CDH3: variants seen among roughly 807,000 people sequenced by gnomAD.
CDH3 encodes the protein cadherin-3.
In CDH3, 54 loss-of-function variants were observed where a neutral mutation model predicts 82.0. That is an observed-to-expected ratio of 0.66 (90% CI 0.53 to 0.83). The LOEUF is 0.83. CDH3 is among the 40% of genes least tolerant of loss of function. The pLI is 0.00. For synonymous variants in CDH3, 446 were observed against 437.9 expected, an observed-to-expected ratio of 1.02 and a Z score of -0.23; for missense variants, 1,054 against 1,084.6, an observed-to-expected ratio of 0.97 and a Z score of 0.40.
Position 68,667,121 on chromosome 16 carries a change from T to C in CDH3, c.161-9264T>C, listed in dbSNP as rs549891854. Among the ~76,000 whole-genome samples, 5 of 152,312 alleles carry C rather than the reference T, an allele frequency of 3.3e-5. No individual in the cohort carries two copies. In the East Asian group the frequency reaches 9.6e-4, roughly 29 times the overall value. Reference sequence around the variant, plus strand: ...ACAGCACTTGCCCTTTTAATTTGTATTTCTTAGTTGGTGAACTTTTTTCTA... The same window carrying C: ...ACAGCACTTGCCCTTTTAATTTGTACTTCTTAGTTGGTGAACTTTTTTCTA... On this transcript the variant is annotated intron_variant, in intron 2 of 15. Coordinates refer to ENST00000264012, the MANE Select transcript of CDH3 (RefSeq NM_001793.6).
At chr16:68,684,518 A>G in intron 9 of CDH3, 65 bp from the exon 10 acceptor site, 3 of 1,599,432 alleles carry the variant, frequency 1.9e-6, no homozygotes, top group East Asian at 2.2e-5. Context: ...CTCACATCTC[A>G]ACTGTCCTGC....
intron 2 of CDH3, among the ~76,000 whole-genome samples, chr16:68,670,975 A>C (rs1229379698): frequency 6.6e-6 from 1 of 152,170 alleles, no homozygotes; most frequent in African/African-American, 2.4e-5. Context: ...CAAGAGGCTG[A>C]GGCAAGAGAA....
chr16:68,667,284 C>G (rs992620407), intron 2 of CDH3, among the ~76,000 whole-genome samples: 2 of 152,280 alleles, frequency 1.3e-5, no homozygotes, highest in Admixed American at 6.5e-5. Flanking sequence ...GTTTTGTGAG[C>G]TAGGTATGTC....
At chr16:68,664,783 C>G (rs1411470595) in intron 2 of CDH3, among the ~76,000 whole-genome samples, 1 of 151,994 alleles carries the variant, frequency 6.6e-6, no homozygotes, top group Non-Finnish European at 1.5e-5. Context: ...CTCAGCCTCT[C>G]AAGTAGCTGG....
At chr16:68,697,734 A>G (rs1385461357) in intron 15 of CDH3, among the ~76,000 whole-genome samples, 3 of 152,172 alleles carry the variant, frequency 2.0e-5, no homozygotes, top group Non-Finnish European at 2.9e-5. Context: ...GTGCTATTCT[A>G]ATAACTGCTT....
chr16:68,669,617 G>C (rs1018837335), intron 2 of CDH3, among the ~76,000 whole-genome samples: 2 of 101,842 alleles, frequency 2.0e-5, no homozygotes, highest in Non-Finnish European at 4.0e-5. Flanking sequence ...GTGGGGTGGC[G>C]GGGGGGGTGG....
chr16:68,646,469 T>C (rs1960068619), intron 2 of CDH3, among the ~76,000 whole-genome samples: 1 of 148,694 alleles, frequency 6.7e-6, no homozygotes, highest in South Asian at 2.1e-4. Context: ...GGACGGGAGA[T>C]CAAAGCACAT....
In CDH3 at chr16:68,681,051, G is replaced by C; in HGVS notation, c.951G>C (p.Glu317Asp). 1 of 1,614,102 alleles carries C rather than the reference G, an allele frequency of 6.2e-7. No homozygotes were observed. The highest frequency in any genetic ancestry group is 8.5e-7 in the Non-Finnish European group (1 of 1,180,006). Residue 317 changes from glutamate to aspartate, a missense_variant, in exon 8 of 16, where the codon GAG becomes GAC. Glu to Asp is a conservative substitution (Grantham distance 45). Transcript: ENST00000264012. ...CCACCACGGCAGTGGCAGTAGTGGA[G>C]ATCCTTGATGCCAATGACAATGCTC... ...GSTTTAVAVV[E>D]ILDANDNAPM...
chr16:68,658,082 T>A (rs1412288734), intron 2 of CDH3, among the ~76,000 whole-genome samples: 3 of 140,934 alleles, frequency 2.1e-5, no homozygotes, highest in Non-Finnish European at 4.6e-5. Flanking sequence ...TTTTTTTTTT[T>A]AGAGACAGGG....
rs1011947664 is a variant in CDH3, at chr16:68,678,973, C to G, written c.691+67C>G. ...CACCCTTAAATGCTAAAAGATCCCA[C>G]CATACCTGATTTCCTTGGCTGTGTA... On this transcript the variant is annotated intron_variant, in intron 6 of 15. Transcript: ENST00000264012. 4 of 1,513,272 alleles carry G rather than the reference C, an allele frequency of 2.6e-6. No homozygotes were observed. The African/African-American group carries it at 4.1e-5, about 16-fold the overall frequency. 93.7% of individuals were successfully genotyped at this position (1,513,272 alleles called of 1,614,324 possible).
At position 68,695,740 on chromosome 16, in the gene CDH3, A is replaced by G. The variant is rs1385480142; in HGVS notation, c.2134-37A>G. On this transcript the variant is annotated intron_variant, in intron 14 of 15. Coordinates refer to ENST00000264012, the MANE Select transcript of CDH3 (RefSeq NM_001793.6). ...AAGTGGCAGGGGAGTGGGGGACAGGAGTCCTCAGTCACCTGCTCTCCTGCA... is the reference window on the plus strand; with the variant it reads ...AAGTGGCAGGGGAGTGGGGGACAGGGGTCCTCAGTCACCTGCTCTCCTGCA... 4.3e-6 allele frequency: 7 copies of G among 1,611,124 alleles called. No homozygotes were observed. In the African/African-American group the frequency reaches 5.3e-5, roughly 12 times the overall value.
intron 2 of CDH3, among the ~76,000 whole-genome samples, chr16:68,670,882 G>A (rs1960866370): frequency 6.6e-6 from 1 of 152,054 alleles, no homozygotes; most frequent in Non-Finnish European, 1.5e-5. Context: ...AGACCACCCT[G>A]GCCAACATGG....
chr16:68,676,635 A>G lies in CDH3; in HGVS notation c.246+165A>G, dbSNP rs1294067854. Among the ~76,000 whole-genome samples the G allele has an allele frequency of 2.0e-5, 3 of 152,206 alleles. No homozygotes were observed. The East Asian group carries it at 5.8e-4, about 29-fold the overall frequency. ...GTCCACAGCTTGGGTGTGAGCACTG[A>G]TCTAAGGGGGGTAGTGCTTGCAGCT... On this transcript the variant is annotated intron_variant, in intron 3 of 15. Transcript: ENST00000264012.
chr16:68,645,460 C>T (rs1330865568), intron 1 of CDH3, 36 bp downstream of exon 1: 1 of 1,609,344 alleles, frequency 6.2e-7, no homozygotes, highest in South Asian at 1.1e-5. Flanking sequence ...CGACCGGGAC[C>T]GCTCCCTGGG....
chr16:68,673,744 G>A (rs1324439437), intron 2 of CDH3, among the ~76,000 whole-genome samples: 1 of 152,100 alleles, frequency 6.6e-6, no homozygotes, highest in African/African-American at 2.4e-5. Context: ...GGCCAACATG[G>A]TGAAACCCCA....
chr16:68,672,831 C>G (rs953759577), intron 2 of CDH3, among the ~76,000 whole-genome samples: 2 of 152,206 alleles, frequency 1.3e-5, no homozygotes, highest in African/African-American at 4.8e-5. Flanking sequence ...CTGTCCTCTC[C>G]CATTCACTGA....
intron 1 of CDH3, among the ~76,000 whole-genome samples, chr16:68,711,777 G>A (rs1962034096): frequency 6.6e-6 from 1 of 152,170 alleles, no homozygotes; most frequent in Non-Finnish European, 1.5e-5. Flanking sequence ...CGAGGGCATG[G>A]GCACTGACTC....
At chr16:68,731,078 A>ATATATATATATATATATG (rs1397181015), downstream of CDH3, among the ~76,000 whole-genome samples, 1 of 120,960 alleles carries the variant, frequency 8.3e-6, no homozygotes, top group East Asian at 2.3e-4. Flanking sequence ...ATATATATAT[A>ATATATATATATATATATG]ATTATAAAAA....
chr16:68,668,130 G>C (rs867469463), intron 2 of CDH3, among the ~76,000 whole-genome samples: 5 of 152,160 alleles, frequency 3.3e-5, no homozygotes, highest in Non-Finnish European at 5.9e-5. Flanking sequence ...AGGCTAATGC[G>C]GTCAAATGAC....
Sources: allele counts gnomAD v4.1 joint callset (sites outside exome capture counted in the v4.1 genomes callset), GRCh38; gene constraint gnomAD v4.1.1; transcripts MANE v1.5; gene names NCBI Gene and HGNC (gene_info 2026-07-23, HGNC 2026-07-21).